Variants in SGCZ observed in about 807,000 individuals in gnomAD.
The protein encoded by SGCZ is zeta-sarcoglycan.
SGCZ carries 40 observed loss-of-function variants against 41.3 expected under a neutral mutation model. That is an observed-to-expected ratio of 0.97 (90% CI 0.75 to 1.26). The LOEUF is 1.26. SGCZ is among the 50% of genes most tolerant of loss of function. SGCZ has a pLI of 0.00. For synonymous variants in SGCZ, 206 were observed against 137.5 expected, an observed-to-expected ratio of 1.50 and a Z score of -3.49; for missense variants, 552 against 369.8, an observed-to-expected ratio of 1.49 and a Z score of -4.04.
At chr8:14,444,806 G>C (rs1800385669) in intron 2 of SGCZ, among the ~76,000 whole-genome samples, 1 of 151,992 alleles carries the variant, frequency 6.6e-6, no homozygotes, top group East Asian at 1.9e-4. Context: ...AAAACTTAAA[G>C]TATAATAATA....
chr8:14,939,435 T>A (rs1800192504), intron 1 of SGCZ, among the ~76,000 whole-genome samples: 1 of 152,116 alleles, frequency 6.6e-6, no homozygotes, highest in Non-Finnish European at 1.5e-5. Context: ...TTTTTTGACA[T>A]TTCACCTACT....
chr8:15,092,214 C>T (rs917067411), intron 1 of SGCZ, among the ~76,000 whole-genome samples: 1 of 152,164 alleles, frequency 6.6e-6, no homozygotes, highest in Non-Finnish European at 1.5e-5. Flanking sequence ...TTTTAATTCT[C>T]TAACCATTAG....
intron 5 of SGCZ, among the ~76,000 whole-genome samples, chr8:14,158,182 G>C (rs563459714): frequency 1.3e-5 from 2 of 151,944 alleles, no homozygotes; most frequent in South Asian, 4.2e-4. Context: ...CAAGCCTAGA[G>C]AGATTCATAC....
Position 14,209,161 on chromosome 8 carries a change from G to C in SGCZ, c.424+28431C>G, listed in dbSNP as rs527521338. On this transcript the variant is annotated intron_variant, in intron 4 of 7. Coordinates refer to ENST00000382080, the MANE Select transcript of SGCZ (RefSeq NM_139167.4). ...CCCATTTGCATATTAGTGCGGGGTGGACAGCCTTCCCAGAACGTTATGTAA... is the reference window on the plus strand; with the variant it reads ...CCCATTTGCATATTAGTGCGGGGTGCACAGCCTTCCCAGAACGTTATGTAA... Among the ~76,000 whole-genome samples the C allele has an allele frequency of 1.9e-4, 29 of 152,310 alleles. No individual in the cohort carries two copies. The East Asian group carries it at 5.0e-3, about 26-fold the overall frequency.
intron 2 of SGCZ, among the ~76,000 whole-genome samples, chr8:14,352,875 A>G (rs1803152624): frequency 6.6e-6 from 1 of 152,074 alleles, no homozygotes; most frequent in Admixed American, 6.6e-5. Flanking sequence ...TTAATTTTAA[A>G]CCAATGAATA....
At chr8:14,568,389 T>G (rs1804445696) in intron 1 of SGCZ, among the ~76,000 whole-genome samples, 1 of 117,994 alleles carries the variant, frequency 8.5e-6, no homozygotes, top group Non-Finnish European at 1.7e-5. Context: ...TCCCAGAACT[T>G]AAATTTAAAG....
At chr8:15,159,360 G>C (rs901424260) in intron 1 of SGCZ, among the ~76,000 whole-genome samples, 3 of 152,142 alleles carry the variant, frequency 2.0e-5, no homozygotes, top group African/African-American at 7.2e-5. Context: ...TGAGTTCTGT[G>C]AGTCTCTCCA....
chr8:15,091,045 T>G (rs1265385983), intron 1 of SGCZ, among the ~76,000 whole-genome samples: 1 of 152,212 alleles, frequency 6.6e-6, no homozygotes, highest in East Asian at 1.9e-4. Flanking sequence ...AATGGAGTAA[T>G]CTAATTACCT....
chr8:14,561,312 T>C (rs1804201375), intron 1 of SGCZ, among the ~76,000 whole-genome samples: 1 of 152,274 alleles, frequency 6.6e-6, no homozygotes, highest in South Asian at 2.1e-4. Context: ...CCTATTGTCA[T>C]TCTAATGGAA....
chr8:14,348,870 T>C (rs1802987142), intron 2 of SGCZ, among the ~76,000 whole-genome samples: 2 of 152,184 alleles, frequency 1.3e-5, no homozygotes, highest in Admixed American at 1.3e-4. Context: ...ACTCTTCATT[T>C]AATTTTTAAT....
At chr8:15,086,598 G>A (rs1805957944) in intron 1 of SGCZ, among the ~76,000 whole-genome samples, 1 of 152,050 alleles carries the variant, frequency 6.6e-6, no homozygotes, top group South Asian at 2.1e-4. Context: ...TGTACATAGT[G>A]AAGCTGCAAA....
At chr8:15,123,907 T>C (rs1305350690) in intron 1 of SGCZ, among the ~76,000 whole-genome samples, 1 of 151,680 alleles carries the variant, frequency 6.6e-6, no homozygotes. Flanking sequence ...AAGTGAACGC[T>C]GGAGTGCTGA....
intron 1 of SGCZ, among the ~76,000 whole-genome samples, chr8:14,909,816 C>T (rs1238483665): frequency 6.6e-6 from 1 of 151,960 alleles, no homozygotes. Context: ...TAAAAGTGTC[C>T]CTCAATTCTG....
At chr8:14,578,340 C>T (rs1450257878) in intron 1 of SGCZ, among the ~76,000 whole-genome samples, 3 of 152,144 alleles carry the variant, frequency 2.0e-5, no homozygotes, top group Non-Finnish European at 4.4e-5. Context: ...ATTCTGGTGC[C>T]CACCAGTTAT....
At chr8:14,303,915 C>G (rs1057160837) in intron 3 of SGCZ, among the ~76,000 whole-genome samples, 1 of 151,904 alleles carries the variant, frequency 6.6e-6, no homozygotes, top group South Asian at 2.1e-4. Flanking sequence ...CCAAGCCCAG[C>G]TAATTTTTCT....
intron 1 of SGCZ, among the ~76,000 whole-genome samples, chr8:14,797,154 C>A (rs1801159855): frequency 7.6e-6 from 1 of 131,326 alleles, no homozygotes; most frequent in South Asian, 2.7e-4. Flanking sequence ...GGATAACAGG[C>A]AGGGGTGGGG....
intron 2 of SGCZ, among the ~76,000 whole-genome samples, chr8:14,463,737 A>G (rs904817850): frequency 2.6e-5 from 4 of 151,738 alleles, no homozygotes; most frequent in African/African-American, 9.7e-5. Context: ...TTCAACCATT[A>G]AATTGATGTT....
At chr8:14,230,168 C>T (rs748080218) in intron 4 of SGCZ, among the ~76,000 whole-genome samples, 1 of 152,146 alleles carries the variant, frequency 6.6e-6, no homozygotes, top group South Asian at 2.1e-4. Context: ...TCAACTGACT[C>T]CCTTCTCCAA....
At chr8:14,272,002 C>T (rs564532025) in intron 3 of SGCZ, among the ~76,000 whole-genome samples, 11 of 152,036 alleles carry the variant, frequency 7.2e-5, no homozygotes, top group African/African-American at 2.7e-4. Flanking sequence ...CTTACCAATG[C>T]CCTAAGTAAT....
Sources: allele counts gnomAD v4.1 joint callset (sites outside exome capture counted in the v4.1 genomes callset), GRCh38; gene constraint gnomAD v4.1.1; transcripts MANE v1.5; gene names NCBI Gene and HGNC (gene_info 2026-07-23, HGNC 2026-07-21).